The following SETBP1 variants were observed in gnomAD, a reference collection of about 807,000 sequenced individuals.
The protein encoded by SETBP1 is SET binding protein 1.
A neutral mutation model predicts 101.0 loss-of-function variants in SETBP1; 9 were observed. The observed-to-expected ratio is 0.09, with a 90% CI of 0.05 to 0.16. The LOEUF (loss-of-function observed/expected upper bound fraction) is 0.16. Among genes scored for constraint, SETBP1 ranks in the 10% least tolerant of loss-of-function variants. The probability of loss-of-function intolerance (pLI) is 1.00; values close to 1 mark genes in which losing one functional copy is unlikely to be tolerated. For synonymous variants in SETBP1, 818 were observed against 788.5 expected (o/e 1.04, Z -0.63); for missense variants, 1,858 against 2,033.8 (o/e 0.91, Z 1.66).
chr18:45,024,550 A>G (rs1417492152), intron 4 of SETBP1, among the ~76,000 whole-genome samples: 1 of 152,108 alleles, frequency 6.6e-6, no homozygotes, highest in Non-Finnish European at 1.5e-5. Context: ...TAAACTTCCC[A>G]CTACTCTTCT....
At chr18:44,735,969 T>G (rs1038656987) in intron 2 of SETBP1, among the ~76,000 whole-genome samples, 12 of 152,190 alleles carry the variant, frequency 7.9e-5, no homozygotes, top group South Asian at 2.1e-4. Context: ...TAACATTTTG[T>G]GGGGCTTGTT....
chr18:45,008,954 G>T (rs2072782770), intron 4 of SETBP1, among the ~76,000 whole-genome samples: 1 of 152,180 alleles, frequency 6.6e-6, no homozygotes, highest in South Asian at 2.1e-4. Context: ...CTTGGCTGTG[G>T]AGCAGGACAT....
chr18:44,791,152 G>C (rs925664768), intron 2 of SETBP1, among the ~76,000 whole-genome samples: 1 of 152,060 alleles, frequency 6.6e-6, no homozygotes, highest in African/African-American at 2.4e-5. Context: ...TCAATTCCAG[G>C]AGATATTTGG....
intron 5 of SETBP1, among the ~76,000 whole-genome samples, chr18:45,060,457 G>A (rs959216842): frequency 6.6e-6 from 1 of 151,694 alleles, no homozygotes; most frequent in Non-Finnish European, 1.5e-5. Flanking sequence ...TGCAACAAAA[G>A]GATTAAAACA....
At chr18:45,016,937 G>T (rs2072959164) in intron 4 of SETBP1, among the ~76,000 whole-genome samples, 1 of 152,068 alleles carries the variant, frequency 6.6e-6, no homozygotes, top group Non-Finnish European at 1.5e-5. Context: ...CTCCTTTCAC[G>T]GCTGCGTGGA....
intron 2 of SETBP1, among the ~76,000 whole-genome samples, chr18:44,769,440 G>A (rs1390422368): frequency 1.3e-5 from 2 of 152,168 alleles, no homozygotes; most frequent in African/African-American, 4.8e-5. Context: ...GTTTATCTCT[G>A]CTCTTACTGA....
intron 3 of SETBP1, among the ~76,000 whole-genome samples, chr18:44,888,835 A>T (rs1230547597): frequency 6.6e-6 from 1 of 152,104 alleles, no homozygotes; most frequent in East Asian, 1.9e-4. Context: ...AAGTCAGCTG[A>T]CTGCTTTAGT....
chr18:45,014,807 A>C (rs1319529682), intron 4 of SETBP1, among the ~76,000 whole-genome samples: 2 of 152,204 alleles, frequency 1.3e-5, no homozygotes, highest in African/African-American at 4.8e-5. Flanking sequence ...ATGCTCCAAC[A>C]AATAGACTTG....
chr18:44,942,060 G>T (rs930715746), intron 3 of SETBP1, among the ~76,000 whole-genome samples: 2 of 152,100 alleles, frequency 1.3e-5, no homozygotes, highest in Non-Finnish European at 2.9e-5. Flanking sequence ...AAAGAGTTTT[G>T]ACTTTTGTTC....
chr18:44,886,457 C>T (rs1328064789), intron 3 of SETBP1, among the ~76,000 whole-genome samples: 1 of 152,130 alleles, frequency 6.6e-6, no homozygotes, highest in Non-Finnish European at 1.5e-5. Flanking sequence ...GGATCAAAGC[C>T]TTCCTCTTTC....
chr18:44,962,341 A>G (rs1198152590), intron 4 of SETBP1, among the ~76,000 whole-genome samples: 1 of 152,122 alleles, frequency 6.6e-6, no homozygotes, highest in Non-Finnish European at 1.5e-5. Flanking sequence ...TTAGCAGTTG[A>G]GTGGGGATGG....
intron 3 of SETBP1, among the ~76,000 whole-genome samples, chr18:44,937,643 A>G (rs1426905433): frequency 6.6e-6 from 1 of 152,058 alleles, no homozygotes. Context: ...AGGAACAGTG[A>G]GTCTGGTCAA....
chr18:44,694,480 G>T (rs1462358592), intron 1 of SETBP1, among the ~76,000 whole-genome samples: 1 of 152,152 alleles, frequency 6.6e-6, no homozygotes, highest in Non-Finnish European at 1.5e-5. Context: ...CCAAAGTGCT[G>T]GGATTACAGA....
At chr18:44,889,327 G>A (rs1482460994) in intron 3 of SETBP1, among the ~76,000 whole-genome samples, 1 of 152,132 alleles carries the variant, frequency 6.6e-6, no homozygotes, top group Non-Finnish European at 1.5e-5. Context: ...TCCTCTAAAA[G>A]TTTGAGAGCT....
intron 3 of SETBP1, chr18:44,871,577 G>A (rs189685836): frequency 6.6e-6 from 1 of 152,312 alleles, no homozygotes; most frequent in Admixed American, 6.5e-5. Context: ...GACTCTTAAG[G>A]AAGATAGTTA....
chr18:45,010,380 C>T (rs147922307), intron 4 of SETBP1, among the ~76,000 whole-genome samples: 220 of 152,302 alleles, frequency 1.4e-3, no homozygotes, highest in South Asian at 0.01. Context: ...CTGATAATCC[C>T]CAGTTACTTT....
intron 2 of SETBP1, among the ~76,000 whole-genome samples, chr18:44,794,279 G>T (rs1029207388): frequency 7.0e-6 from 1 of 143,478 alleles, no homozygotes; most frequent in African/African-American, 2.8e-5. Flanking sequence ...TTCTTAAACA[G>T]AAATGACTTT....
At chr18:44,873,615 C>G (rs1226779855) in intron 3 of SETBP1, among the ~76,000 whole-genome samples, 2 of 152,030 alleles carry the variant, frequency 1.3e-5, no homozygotes, top group African/African-American at 4.8e-5. Context: ...GCTAAGACAA[C>G]AATGGCGATG....
At chr18:44,788,333 C>T (rs751069076) in intron 2 of SETBP1, among the ~76,000 whole-genome samples, 3 of 152,172 alleles carry the variant, frequency 2.0e-5, no homozygotes, top group Non-Finnish European at 2.9e-5. Flanking sequence ...CTTCAGGAGA[C>T]AGGATATCAC....
Sources: gnomAD v4.1 joint callset for allele counts (sites outside exome capture counted in the v4.1 genomes callset) on GRCh38, gnomAD v4.1.1 for gene constraint, MANE v1.5 for transcripts, NCBI Gene and HGNC (gene_info 2026-07-23, HGNC 2026-07-21) for gene names.